Variants in ENTPD7 observed in about 807,000 individuals in gnomAD.
ENTPD7 encodes NTPDase 7.
In ENTPD7, 53 loss-of-function variants were observed where a neutral mutation model predicts 77.9. That is an observed-to-expected ratio of 0.68 (90% CI 0.55 to 0.85). ENTPD7 has a LOEUF of 0.85. Among genes scored for constraint, ENTPD7 ranks in the 40% least tolerant of loss-of-function variants. ENTPD7 has a pLI of 0.00. For missense variants in ENTPD7, 636 were observed against 743.7 expected (o/e 0.86, Z 1.68); for synonymous variants, 248 against 274.9 (o/e 0.90, Z 0.97).
At chr10:99,678,298 C>T (rs1590042867) in intron 3 of ENTPD7, among the ~76,000 whole-genome samples, 1 of 151,358 alleles carries the variant, frequency 6.6e-6, no homozygotes, top group East Asian at 2.0e-4. Flanking sequence ...GAAACCCCGT[C>T]TCTACTAAAA....
intron 3 of ENTPD7, among the ~76,000 whole-genome samples, chr10:99,668,951 C>T (rs1030264828): frequency 5.3e-5 from 8 of 151,924 alleles, no homozygotes; most frequent in African/African-American, 1.9e-4. Context: ...CCCACTTACA[C>T]GTGTCTTCAT....
At chr10:99,678,979 T>G (rs2133458831) in intron 3 of ENTPD7, among the ~76,000 whole-genome samples, 1 of 151,424 alleles carries the variant, frequency 6.6e-6, no homozygotes, top group East Asian at 1.9e-4. Context: ...CTCTAATGCT[T>G]GAAAAAAGAT....
chr10:99,691,609 G>C, intron 8 of ENTPD7, 91 bp downstream of exon 8: 1 of 1,406,780 alleles, frequency 7.1e-7, no homozygotes, highest in Non-Finnish European at 9.7e-7. Context: ...AACCTACCTG[G>C]CTCTAAATAT....
In ENTPD7 at chr10:99,669,740, G is replaced by GTTTTTTTTTT. The variant is rs71472510; in HGVS notation, c.191+8130_191+8139dup. ...GAATAATACTTGTGTTAGATGTGTG[G>GTTTTTTTTTT]TTTTTTTTTTTTTTTTTTTTTTTTT... On this transcript the variant is annotated intron_variant, in intron 3 of 12. Transcript: ENST00000370489. Among the ~76,000 whole-genome samples the GTTTTTTTTTT allele has an allele frequency of 6.7e-5, 4 of 59,302 alleles. 1 individual carries two copies. The South Asian group carries it at 2.6e-3, about 39-fold the overall frequency. 38.9% of individuals were successfully genotyped at this position (59,302 alleles called of 152,430 possible).
rs182526804 is a variant in ENTPD7 at position 99,690,295 on chromosome 10, G to A, written c.710-1090G>A. Among the ~76,000 whole-genome samples, 11 of 152,266 alleles carry A rather than the reference G, an allele frequency of 7.2e-5. No homozygotes were observed. The East Asian group carries it at 1.9e-3, about 27-fold the overall frequency. ...GAGATTATTGGTCCAGATACCACAG[G>A]TGGTCATTACTCCTGGGATATCATT... On this transcript the variant is annotated intron_variant, in intron 7 of 12. Coordinates refer to ENST00000370489, the MANE Select transcript of ENTPD7 (RefSeq NM_020354.5).
rs1346220611 is a variant in ENTPD7 at position 99,709,053 on chromosome 10, G to C, written c.*4370G>C. ...TTTCACTACATCTATTCTTGTTCCT[G>C]TATTTCTTTTCGTACTTTTAAATTT... is the stretch of plus-strand genomic sequence containing the variant. On this transcript the variant is annotated 3_prime_UTR_variant, in exon 13 of 13. Transcript: ENST00000370489. 24 of 982,500 alleles carry C rather than the reference G, an allele frequency of 2.4e-5. No homozygotes were observed. In the South Asian group the frequency reaches 1.0e-3, roughly 42 times the overall value. 60.9% of individuals were successfully genotyped at this position (982,500 alleles called of 1,614,324 possible).
intron 3 of ENTPD7, among the ~76,000 whole-genome samples, chr10:99,678,063 A>T (rs1261281372): frequency 3.3e-5 from 5 of 152,146 alleles, no homozygotes; most frequent in South Asian, 2.1e-4. Flanking sequence ...TATTATTATT[A>T]TTTTTTAAAA....
At chr10:99,687,141 T>A (rs1376000148) in intron 6 of ENTPD7, among the ~76,000 whole-genome samples, 1 of 151,146 alleles carries the variant, frequency 6.6e-6, no homozygotes, top group East Asian at 1.9e-4. Context: ...GGTCTCAAAC[T>A]CCTGACCTCG....
intron 6 of ENTPD7, among the ~76,000 whole-genome samples, chr10:99,686,162 T>G (rs1226407808): frequency 6.6e-6 from 1 of 152,156 alleles, no homozygotes; most frequent in Non-Finnish European, 1.5e-5. Flanking sequence ...TATTTAATGA[T>G]TTCAGTTGGA....
intron 3 of ENTPD7, among the ~76,000 whole-genome samples, chr10:99,678,069 T>A (rs954484920): frequency 1.6e-4 from 24 of 152,284 alleles, no homozygotes; most frequent in African/African-American, 5.3e-4. Flanking sequence ...TATTATTTTT[T>A]AAAAATATAA....
Position 99,679,439 on chromosome 10 carries a change from C to T in ENTPD7, c.370C>T (p.Gln124Ter). ...DIKQMRDRNSQPVVKKIKPGI... is the reference protein window; with the variant it reads ...DIKQMRDRNS Reference sequence around the variant, plus strand: ...CAAACAGATGAGAGACCGCAACAGCCAACCAGTGGTTAAAAAAATCAAGCC... The same window carrying T: ...CAAACAGATGAGAGACCGCAACAGCTAACCAGTGGTTAAAAAAATCAAGCC... Residue 124 changes from glutamine to a stop codon, truncating the protein, a stop_gained, in exon 4 of 13, where the codon CAA becomes TAA. Transcript: ENST00000370489. LOFTEE classifies it high-confidence loss of function. 6.2e-7 allele frequency: 1 copy of T among 1,613,322 alleles called. No individual in the cohort carries two copies. Among genetic ancestry groups the T allele is most frequent in the Non-Finnish European group, 8.5e-7 (1 of 1,179,802 alleles).
At chr10:99,669,974 C>G (rs2035601060) in intron 3 of ENTPD7, among the ~76,000 whole-genome samples, 1 of 152,018 alleles carries the variant, frequency 6.6e-6, no homozygotes, top group South Asian at 2.1e-4. Context: ...TGGTCTTGAT[C>G]TCCTGACCTC....
intron 7 of ENTPD7, among the ~76,000 whole-genome samples, chr10:99,689,040 TA>T (rs1391440100): frequency 6.6e-6 from 1 of 151,816 alleles, no homozygotes; most frequent in Non-Finnish European, 1.5e-5. Context: ...CCCCATGTAT[TA>T]AAGGTTTTTT....
chr10:99,666,904 G>A (rs550214261), intron 3 of ENTPD7, among the ~76,000 whole-genome samples: 1 of 152,320 alleles, frequency 6.6e-6, no homozygotes. Context: ...CCATCATAAA[G>A]CTGAAAAATC....
chr10:99,699,589 G>A (rs1046836149), intron 10 of ENTPD7, among the ~76,000 whole-genome samples: 1 of 152,068 alleles, frequency 6.6e-6, no homozygotes, highest in African/African-American at 2.4e-5. Flanking sequence ...TCTTGAGATG[G>A]GGTCTCGCTC....
intron 3 of ENTPD7, among the ~76,000 whole-genome samples, chr10:99,677,820 A>T (rs1008670447): frequency 1.3e-5 from 2 of 152,170 alleles, no homozygotes; most frequent in African/African-American, 4.8e-5. Context: ...CTGTGAGTGT[A>T]GATACCCTTC....
intron 5 of ENTPD7, among the ~76,000 whole-genome samples, chr10:99,684,437 TGAG>T (rs1204642108): frequency 6.6e-6 from 1 of 152,208 alleles, no homozygotes; most frequent in Non-Finnish European, 1.5e-5. Flanking sequence ...ACCCTCTCTT[TGAG>T]GAGTTTAGAA....
At chr10:99,675,328 TG>T (rs2035666485) in intron 3 of ENTPD7, among the ~76,000 whole-genome samples, 1 of 151,722 alleles carries the variant, frequency 6.6e-6, no homozygotes, top group African/African-American at 2.4e-5. Context: ...AATGAATGTG[TG>T]TTTTTTTTTT....
intron 8 of ENTPD7, among the ~76,000 whole-genome samples, chr10:99,694,639 C>T (rs1168437782): frequency 1.3e-5 from 2 of 150,798 alleles, no homozygotes; most frequent in African/African-American, 2.4e-5. Context: ...CAGGTTCAAG[C>T]GATTCTCCTG....
Sources: gnomAD v4.1 joint callset for allele counts (sites outside exome capture counted in the v4.1 genomes callset) on GRCh38, gnomAD v4.1.1 for gene constraint, MANE v1.5 for transcripts, NCBI Gene and HGNC (gene_info 2026-07-23, HGNC 2026-07-21) for gene names.